Variants in ARHGAP28 observed in about 807,000 individuals in gnomAD.
ARHGAP28 encodes the protein rho GTPase-activating protein 28.
ARHGAP28 carries 56 observed loss-of-function variants against 90.7 expected under a neutral mutation model. That is an observed-to-expected ratio of 0.62 (90% CI 0.50 to 0.77). ARHGAP28 has a LOEUF of 0.77. ARHGAP28 is among the 30% of genes least tolerant of loss of function. The pLI is 0.00. For synonymous variants in ARHGAP28, 308 were observed against 323.3 expected, an observed-to-expected ratio of 0.95 and a Z score of 0.51; for missense variants, 869 against 900.9, an observed-to-expected ratio of 0.96 and a Z score of 0.45.
chr18:6,848,604 T>C (rs2056884267), intron 3 of ARHGAP28, among the ~76,000 whole-genome samples: 1 of 152,214 alleles, frequency 6.6e-6, no homozygotes, highest in Non-Finnish European at 1.5e-5. Context: ...AGTTGGCCTT[T>C]GAGTGGAATG....
At chr18:6,879,512 C>G (rs1336282210) in intron 10 of ARHGAP28, among the ~76,000 whole-genome samples, 2 of 152,234 alleles carry the variant, frequency 1.3e-5, no homozygotes, top group East Asian at 3.8e-4. Flanking sequence ...AAGGTAAACT[C>G]ATACCCGGCT....
intron 1 of ARHGAP28, among the ~76,000 whole-genome samples, chr18:6,758,221 A>G (rs1031378186): frequency 6.6e-6 from 1 of 152,248 alleles, no homozygotes; most frequent in African/African-American, 2.4e-5. Context: ...TAAAACCATC[A>G]GATGAGCAAT....
intron 9 of ARHGAP28, among the ~76,000 whole-genome samples, chr18:6,875,603 A>C (rs907343502): frequency 6.6e-6 from 1 of 152,228 alleles, no homozygotes; most frequent in Non-Finnish European, 1.5e-5. Flanking sequence ...GAACTTACAC[A>C]TAATCAATGC....
intron 4 of ARHGAP28, among the ~76,000 whole-genome samples, chr18:6,853,359 T>C (rs1257222598): frequency 2.0e-5 from 3 of 152,138 alleles, no homozygotes; most frequent in African/African-American, 7.2e-5. Context: ...GTCTATTCTC[T>C]CTAAAGCCTG....
chr18:6,821,035 G>A (rs1335363288), intron 1 of ARHGAP28, among the ~76,000 whole-genome samples: 1 of 152,152 alleles, frequency 6.6e-6, no homozygotes, highest in Non-Finnish European at 1.5e-5. Context: ...CTATTTTAAA[G>A]CAACAACAAT....
intron 3 of ARHGAP28, among the ~76,000 whole-genome samples, chr18:6,843,452 C>T (rs1303277020): frequency 5.3e-5 from 8 of 152,188 alleles, no homozygotes; most frequent in East Asian, 1.9e-4. Flanking sequence ...TTACTTTCTA[C>T]GCATTTTTCT....
At chr18:6,802,028 G>T (rs1600197553) in intron 1 of ARHGAP28, among the ~76,000 whole-genome samples, 1 of 152,046 alleles carries the variant, frequency 6.6e-6, no homozygotes, top group East Asian at 1.9e-4. Context: ...TCTGTACTTG[G>T]CTTATTTCAT....
chr18:6,907,866 C>T (rs983000175), intron 16 of ARHGAP28, among the ~76,000 whole-genome samples: 1 of 152,108 alleles, frequency 6.6e-6, no homozygotes, highest in African/African-American at 2.4e-5. Flanking sequence ...TGTGAATCTA[C>T]AGCACCTCAA....
chr18:6,808,697 T>C (rs1171600849), intron 1 of ARHGAP28, among the ~76,000 whole-genome samples: 2 of 152,224 alleles, frequency 1.3e-5, no homozygotes, highest in African/African-American at 4.8e-5. Flanking sequence ...TGACCATGTC[T>C]CTTTACTCTG....
At chr18:6,815,504 G>A (rs2056584178) in intron 1 of ARHGAP28, among the ~76,000 whole-genome samples, 1 of 152,064 alleles carries the variant, frequency 6.6e-6, no homozygotes, top group African/African-American at 2.4e-5. Flanking sequence ...CTCCTTTAAA[G>A]TGTACAGTTC....
intron 1 of ARHGAP28, among the ~76,000 whole-genome samples, chr18:6,792,775 T>C (rs2056415434): frequency 6.6e-6 from 1 of 152,234 alleles, no homozygotes; most frequent in African/African-American, 2.4e-5. Context: ...GTTGTTCCAC[T>C]GTGACTACAT....
At chr18:6,741,710 A>C (rs2055979195) in intron 1 of ARHGAP28, among the ~76,000 whole-genome samples, 1 of 152,236 alleles carries the variant, frequency 6.6e-6, no homozygotes, top group African/African-American at 2.4e-5. Context: ...GTTTATCTTA[A>C]ACAGGAATTC....
Position 6,729,779 on chromosome 18 carries a change from G to T in ARHGAP28, c.-43G>T, listed in dbSNP as rs2055858755. The T allele has an allele frequency of 1.5e-6, 2 of 1,352,688 alleles. No individual in the cohort carries two copies. Among genetic ancestry groups the T allele is most frequent in the Non-Finnish European group, 1.9e-6 (2 of 1,055,408 alleles). The allele number at this position is 1,352,688 out of a possible 1,614,324, so 83.8% of individuals were successfully genotyped here. A position where few individuals can be genotyped will look rare whatever the true frequency, so the allele number is the denominator to read the frequency against. On this transcript the variant is annotated 5_prime_UTR_variant, in exon 1 of 18. Transcript: ENST00000383472. ...CGGCGCGCCGGTCCATGCTGGTCCC[G>T]GTCTTTGTTCTGGGGCCGGCGCCGA...
rs911429483 is a variant in ARHGAP28 at position 6,914,960 on chromosome 18, A to G, written c.*2806A>G. The G allele has an allele frequency of 6.6e-6, 1 of 152,348 alleles. No homozygotes were observed. The highest frequency in any genetic ancestry group is 2.4e-5 in the African/African-American group (1 of 41,358). 9.4% of individuals were successfully genotyped at this position (152,348 alleles called of 1,614,324 possible). ...ACGTCTATACAGTATAAACTACCTC[A>G]CTTGCCTTTCTTGGGAAAAAAAAAA... On this transcript the variant is annotated 3_prime_UTR_variant, in exon 18 of 18. Coordinates refer to ENST00000383472, the MANE Select transcript of ARHGAP28 (RefSeq NM_001366230.1).
rs1380481126 is a variant in ARHGAP28 at position 6,797,965 on chromosome 18, A to G, written c.123-26797A>G. ...ATGAGCCACTGTGCCCAGCCGAAAC[A>G]CAATTTTTTAAACACATTTTTAAAA... On this transcript the variant is annotated intron_variant, in intron 1 of 17. Coordinates refer to ENST00000383472, the MANE Select transcript of ARHGAP28 (RefSeq NM_001366230.1). 3.9e-5 allele frequency among the ~76,000 whole-genome samples: 6 copies of G among 152,292 alleles called. No individual in the cohort carries two copies. In the East Asian group the frequency reaches 1.2e-3, roughly 29 times the overall value.
At chr18:6,862,944 G>A (rs972300493) in intron 5 of ARHGAP28, among the ~76,000 whole-genome samples, 1 of 152,004 alleles carries the variant, frequency 6.6e-6, no homozygotes, top group Non-Finnish European at 1.5e-5. Flanking sequence ...AGCTTGTTTT[G>A]CAGATATATA....
intron 2 of ARHGAP28, 63 bp from the exon 3 acceptor site, chr18:6,837,134 T>A: frequency 8.1e-7 from 1 of 1,227,012 alleles, no homozygotes; most frequent in Non-Finnish European, 1.1e-6. Flanking sequence ...TTGTCTGATA[T>A]TCACATGGCA....
chr18:6,883,195 A>C (rs2057192842), intron 11 of ARHGAP28, among the ~76,000 whole-genome samples: 1 of 151,800 alleles, frequency 6.6e-6, no homozygotes, highest in South Asian at 2.1e-4. Flanking sequence ...AGCCAAATCC[A>C]GGCTTTAATG....
intron 2 of ARHGAP28, among the ~76,000 whole-genome samples, chr18:6,832,423 G>A (rs139069403): frequency 5.8e-4 from 89 of 152,150 alleles, no homozygotes; most frequent in East Asian, 2.9e-3. Flanking sequence ...GATTAAGGTG[G>A]TGGTAACTTT....
Sources: gnomAD v4.1 joint callset for allele counts (sites outside exome capture counted in the v4.1 genomes callset) on GRCh38, gnomAD v4.1.1 for gene constraint, MANE v1.5 for transcripts, NCBI Gene and HGNC (gene_info 2026-07-23, HGNC 2026-07-21) for gene names.